SYMPK: variants seen among roughly 807,000 people sequenced by gnomAD.
The protein encoded by SYMPK is symplekin.
A neutral mutation model predicts 136.4 loss-of-function variants in SYMPK; 49 were observed. That is an observed-to-expected ratio of 0.36 (90% CI 0.29 to 0.46). SYMPK has a LOEUF of 0.46. Ranked by LOEUF, SYMPK falls within the 20% of genes least tolerant of loss-of-function variation. The pLI is 1.00. For missense variants in SYMPK, 1,365 were observed against 1,690.0 expected (o/e 0.81, Z 3.37); for synonymous variants, 766 against 713.0 (o/e 1.07, Z -1.19).
In SYMPK at chr19:45,829,180, A is replaced by G. The variant is rs766247144; in HGVS notation, c.1775T>C (p.Leu592Pro). 6.2e-7 allele frequency: 1 copy of G among 1,613,966 alleles called. No homozygotes were observed. The highest frequency in any genetic ancestry group is 1.7e-5 in the Admixed American group (1 of 60,008). Residue 592 changes from leucine (L) to proline (P), a missense_variant, in exon 14 of 27, where the codon CTG becomes CCG. Transcript: ENST00000245934. Reference protein sequence around the residue: ...AQVRIKILASLVTQFNSGLKA... With the variant: ...AQVRIKILASPVTQFNSGLKA... ...CAGGCCCGAGTTGAACTGTGTCACC[A>G]GGCTGGCCAGGATCTTTATGCGGAC... is the stretch of plus-strand genomic sequence containing the variant.
chr19:45,855,273 T>A (rs1180716661), intron 1 of SYMPK: 1 of 152,220 alleles, frequency 6.6e-6, no homozygotes, highest in East Asian at 1.9e-4. Flanking sequence ...CCTGCTTCAA[T>A]AATTATGTTT....
Position 45,816,778 on chromosome 19 carries a change from C to G in SYMPK, c.3258+20G>C. On this transcript the variant is annotated intron_variant, in intron 24 of 26. Transcript: ENST00000245934. ...CACCCTGGGTGGGGGGAAAGGGTAC[C>G]TGGTGGGGGGAAGGGGTACCTGGTG... The G allele has an allele frequency of 1.3e-6, 2 of 1,515,764 alleles. No individual in the cohort carries two copies. The highest frequency in any genetic ancestry group is 1.8e-6 in the Non-Finnish European group (2 of 1,131,172). 93.9% of individuals were successfully genotyped at this position (1,515,764 alleles called of 1,614,324 possible).
At chr19:45,827,976 G>C (rs1451660529) in intron 14 of SYMPK, 58 bp from the exon 15 acceptor site, 2 of 1,546,518 alleles carry the variant, frequency 1.3e-6, no homozygotes, top group Non-Finnish European at 1.8e-6. Flanking sequence ...TGGCTCCCGG[G>C]CCCTGCTGAA....
At position 45,847,951 on chromosome 19, in the gene SYMPK, G is replaced by A; in HGVS notation, c.477C>T (p.Asp159=). 6.2e-7 allele frequency: 1 copy of A among 1,609,122 alleles called. No homozygotes were observed. The highest frequency in any genetic ancestry group is 8.5e-7 in the Non-Finnish European group (1 of 1,176,410). The part of the protein sequence containing the change: ...VISELQEACW[D]MVSAMAGDII... ...TGTCCCCCGCCATGGCAGATACCAT[G>A]TCCCAGCAGGCCTCCTGTAGCTCGC... is the stretch of plus-strand genomic sequence containing the variant. The change falls in exon 7 of 27, where the codon GAC becomes GAT. Residue 159 remains aspartate, a synonymous_variant. Coordinates refer to ENST00000245934, the MANE Select transcript of SYMPK (RefSeq NM_004819.3).
In SYMPK at chr19:45,835,069, C is replaced by T; in HGVS notation, c.1393+9G>A. 1.9e-6 allele frequency: 3 copies of T among 1,581,008 alleles called. No homozygotes were observed. The highest frequency in any genetic ancestry group is 2.6e-6 in the Non-Finnish European group (3 of 1,163,192). Reference sequence around the variant, plus strand: ...TCCCTGGCCCAGGTTAGGGCCAGGACACACTCACCTGGTCCCAGTCCGGCA... The same window carrying T: ...TCCCTGGCCCAGGTTAGGGCCAGGATACACTCACCTGGTCCCAGTCCGGCA... On this transcript the variant is annotated intron_variant, in intron 11 of 26. Transcript: ENST00000245934.
At chr19:45,842,615 C>T (rs1260063181) in intron 8 of SYMPK, 126 bp from the exon 9 acceptor site, 3 of 1,378,920 alleles carry the variant, frequency 2.2e-6, no homozygotes, top group East Asian at 4.7e-5. Context: ...CCTTCACCCT[C>T]AGATCTAACG....
In SYMPK at chr19:45,815,432, T is replaced by A; in HGVS notation, c.*128A>T. On this transcript the variant is annotated 3_prime_UTR_variant, in exon 27 of 27. Transcript: ENST00000245934. ...CCAGGCCCGCCATCCCTTTTTTTTTTTCTTTTCAGTAACTTGCCCAAGTTC... is the reference window on the plus strand; with the variant it reads ...CCAGGCCCGCCATCCCTTTTTTTTTATCTTTTCAGTAACTTGCCCAAGTTC... 1 of 1,074,152 alleles carries A rather than the reference T, an allele frequency of 9.3e-7. No individual in the cohort carries two copies. The allele number at this position is 1,074,152 out of a possible 1,614,324, so 66.5% of individuals were successfully genotyped here. A position where few individuals can be genotyped will look rare whatever the true frequency, so the allele number is the denominator to read the frequency against.
Position 45,848,995 on chromosome 19 carries a change from AT to A in SYMPK, c.300-120del, listed in dbSNP as rs949802152. The A allele has an allele frequency of 4.0e-5, 49 of 1,233,688 alleles. No homozygotes were observed. In the African/African-American group the frequency reaches 7.0e-4, roughly 18 times the overall value. 76.4% of individuals were successfully genotyped at this position (1,233,688 alleles called of 1,614,324 possible). Reference sequence around the variant, plus strand: ...CTGTCTCAGGGGACCGGAATGGCACATCCAGAAGCTGGGAACAGTGCTTGGT... The same window carrying A: ...CTGTCTCAGGGGACCGGAATGGCACACCAGAAGCTGGGAACAGTGCTTGGT... On this transcript the variant is annotated intron_variant, in intron 5 of 26. Transcript: ENST00000245934.
chr19:45,840,309 T>A, intron 9 of SYMPK, among the ~76,000 whole-genome samples: 1 of 89,564 alleles, frequency 1.1e-5, no homozygotes, highest in African/African-American at 5.1e-5. Context: ...AGCGAGACTG[T>A]CTCAAAAAAA....
Position 45,831,367 on chromosome 19 carries a change from C to T in SYMPK, c.1598+17G>A. ...GTAGGGCTCCTGTCCTGCCCTAGCA[C>T]CCAGAAGAGGACTCACCGGGGCTGA... On this transcript the variant is annotated intron_variant, in intron 12 of 26. Transcript: ENST00000245934. The T allele has an allele frequency of 6.6e-7, 1 of 1,522,150 alleles. No homozygotes were observed. Among genetic ancestry groups the T allele is most frequent in the Non-Finnish European group, 8.8e-7 (1 of 1,131,906 alleles). The allele number at this position is 1,522,150 out of a possible 1,614,324, so 94.3% of individuals were successfully genotyped here.
intron 21 of SYMPK, among the ~76,000 whole-genome samples, chr19:45,822,144 AGTCTCACTCT>A (rs1970920712): frequency 9.1e-6 from 1 of 109,522 alleles, no homozygotes; most frequent in South Asian, 3.0e-4. Context: ...TTTGAGATGG[AGTCTCACTCT>A]GTCATCCAGG....
intron 26 of SYMPK, 72 bp downstream of exon 26, chr19:45,815,779 G>A: frequency 6.3e-7 from 1 of 1,586,824 alleles, no homozygotes; most frequent in Non-Finnish European, 8.6e-7. Flanking sequence ...CCCCCTGATG[G>A]CCCCTCCTCC....
chr19:45,862,502 G>A (rs555110866), intron 1 of SYMPK: 3 of 152,142 alleles, frequency 2.0e-5, no homozygotes, highest in African/African-American at 7.2e-5. Flanking sequence ...TGGAACACAC[G>A]GTCATAGACA....
At chr19:45,856,464 T>C (rs1477900522) in intron 1 of SYMPK, among the ~76,000 whole-genome samples, 1 of 152,178 alleles carries the variant, frequency 6.6e-6, no homozygotes, top group Non-Finnish European at 1.5e-5. Context: ...ATACGCAGAA[T>C]GACCTGAGGC....
At chr19:45,826,847 T>A (rs1160731138) in intron 16 of SYMPK, among the ~76,000 whole-genome samples, 1 of 152,200 alleles carries the variant, frequency 6.6e-6, no homozygotes, top group Non-Finnish European at 1.5e-5. Context: ...GCTGAATGAA[T>A]GAAAACGCTA....
At chr19:45,817,859 C>T (rs1600488455) in intron 23 of SYMPK, 100 bp downstream of exon 23, 3 of 1,256,554 alleles carry the variant, frequency 2.4e-6, no homozygotes, top group Non-Finnish European at 3.3e-6. Flanking sequence ...CTGCTGTCCT[C>T]CACCGGGCTC....
intron 5 of SYMPK, among the ~76,000 whole-genome samples, chr19:45,852,019 T>C (rs1321804546): frequency 6.6e-6 from 1 of 152,192 alleles, no homozygotes; most frequent in Non-Finnish European, 1.5e-5. Context: ...TGGGCCTGCA[T>C]AGTGGCAGAG....
intron 7 of SYMPK, among the ~76,000 whole-genome samples, chr19:45,846,933 A>G (rs997727611): frequency 1.3e-5 from 2 of 151,814 alleles, no homozygotes; most frequent in African/African-American, 4.8e-5. Context: ...AGCTGGGATT[A>G]CAGGTGCCCG....
intron 19 of SYMPK, 66 bp downstream of exon 19, chr19:45,823,701 C>A: frequency 6.9e-7 from 1 of 1,443,608 alleles, no homozygotes; most frequent in Non-Finnish European, 9.7e-7. Flanking sequence ...AGCTCAGATC[C>A]CCAGGGCCCG....
Sources: gnomAD v4.1 joint callset for allele counts (sites outside exome capture counted in the v4.1 genomes callset) on GRCh38, gnomAD v4.1.1 for gene constraint, MANE v1.5 for transcripts, NCBI Gene and HGNC (gene_info 2026-07-23, HGNC 2026-07-21) for gene names.